The following FHIT variants were observed in gnomAD, a reference collection of about 807,000 sequenced individuals.
The protein encoded by FHIT is bis(5'-adenosyl)-triphosphatase.
FHIT carries 19 observed loss-of-function variants against 17.9 expected under a neutral mutation model. The ratio of observed to expected loss-of-function variants is 1.06; its 90% CI spans 0.74 to 1.56. FHIT has a LOEUF of 1.56. FHIT is among the 40% of genes most tolerant of loss of function. The probability of loss-of-function intolerance (pLI) is 0.00; values close to 1 mark genes in which losing one functional copy is unlikely to be tolerated. For synonymous variants in FHIT, 81 were observed against 69.7 expected (o/e 1.16, Z -0.81); for missense variants, 248 against 189.2 (o/e 1.31, Z -1.82).
At chr3:60,478,796 G>A (rs1029748242) in intron 5 of FHIT, among the ~76,000 whole-genome samples, 2 of 152,148 alleles carry the variant, frequency 1.3e-5, no homozygotes, top group African/African-American at 4.8e-5. Flanking sequence ...AAAGTATGTT[G>A]AAGGCACAGA....
At chr3:60,561,593 A>G (rs181724608) in intron 4 of FHIT, among the ~76,000 whole-genome samples, 1 of 152,142 alleles carries the variant, frequency 6.6e-6, no homozygotes, top group East Asian at 1.9e-4. Flanking sequence ...AAATGAAGAA[A>G]AAGTTCAGGC....
chr3:59,892,985 C>T (rs946384042), intron 8 of FHIT, among the ~76,000 whole-genome samples: 2 of 152,116 alleles, frequency 1.3e-5, no homozygotes, highest in African/African-American at 2.4e-5. Context: ...ATTTAAAAAG[C>T]TGAATTACTC....
At chr3:60,374,800 G>T (rs1700479058) in intron 5 of FHIT, among the ~76,000 whole-genome samples, 1 of 152,052 alleles carries the variant, frequency 6.6e-6, no homozygotes, top group Admixed American at 6.6e-5. Flanking sequence ...GATAATAGTT[G>T]TGTGGCTGTG....
At chr3:60,815,050 A>G (rs561757325) in intron 4 of FHIT, among the ~76,000 whole-genome samples, 1 of 151,802 alleles carries the variant, frequency 6.6e-6, no homozygotes, top group African/African-American at 2.4e-5. Context: ...TCTCCCTTTG[A>G]GAAGTTTCTG....
At chr3:60,880,480 C>A (rs1704910255) in intron 3 of FHIT, among the ~76,000 whole-genome samples, 1 of 152,216 alleles carries the variant, frequency 6.6e-6, no homozygotes, top group African/African-American at 2.4e-5. Context: ...CGCCTATAAT[C>A]CCAGAATTTT....
intron 5 of FHIT, among the ~76,000 whole-genome samples, chr3:60,101,305 TC>T (rs1238498581): frequency 2.0e-5 from 3 of 152,216 alleles, no homozygotes; most frequent in Non-Finnish European, 2.9e-5. Flanking sequence ...CATGTCCACC[TC>T]GGGCCACTCT....
At chr3:60,824,512 A>T (rs1264622221) in intron 3 of FHIT, among the ~76,000 whole-genome samples, 1 of 152,190 alleles carries the variant, frequency 6.6e-6, no homozygotes, top group African/African-American at 2.4e-5. Flanking sequence ...AAAAAGGTAA[A>T]CAAATAAATA....
chr3:61,244,424 C>G lies in FHIT; in HGVS notation c.-213+6877G>C, dbSNP rs146452913. On this transcript the variant is annotated intron_variant, in intron 1 of 9. Transcript: ENST00000492590. ...TTTAAGGATCCCAGATTTTGTCCAT[C>G]AAATTTAGAAAGACTCAATTGCATG... Among the ~76,000 whole-genome samples, 173 of 152,308 alleles carry G rather than the reference C, an allele frequency of 1.1e-3. 1 individual carries two copies. Among genetic ancestry groups the G allele is most frequent in the African/African-American group, 4.0e-3 (166 of 41,568 alleles).
intron 7 of FHIT, among the ~76,000 whole-genome samples, chr3:59,945,368 G>A (rs1423629720): frequency 6.6e-6 from 1 of 151,936 alleles, no homozygotes; most frequent in Non-Finnish European, 1.5e-5. Flanking sequence ...TTTAAATAGG[G>A]TTGTTTTTGC....
At chr3:60,057,416 T>C (rs1363492226) in intron 5 of FHIT, among the ~76,000 whole-genome samples, 5 of 152,144 alleles carry the variant, frequency 3.3e-5, no homozygotes, top group Non-Finnish European at 7.4e-5. Context: ...TAAAATGCTA[T>C]CCTCTGGATA....
At chr3:60,233,663 G>C (rs569723508) in intron 5 of FHIT, among the ~76,000 whole-genome samples, 4 of 152,038 alleles carry the variant, frequency 2.6e-5, no homozygotes, top group African/African-American at 9.7e-5. Flanking sequence ...GTTTGGCTGT[G>C]TCCCCACTCA....
intron 5 of FHIT, among the ~76,000 whole-genome samples, chr3:60,067,140 G>A (rs914208887): frequency 6.6e-6 from 1 of 152,118 alleles, no homozygotes; most frequent in Non-Finnish European, 1.5e-5. Flanking sequence ...ACCTATTCAT[G>A]AACATGAGTC....
intron 5 of FHIT, among the ~76,000 whole-genome samples, chr3:60,434,961 C>CTGTTACAAA (rs2030076785): frequency 6.6e-6 from 1 of 152,136 alleles, no homozygotes; most frequent in Admixed American, 6.6e-5. Flanking sequence ...TTTTTCTCCA[C>CTGTTACAAA]TGTGGCATGT....
intron 4 of FHIT, among the ~76,000 whole-genome samples, chr3:60,598,578 A>G (rs1203574323): frequency 1.3e-5 from 2 of 152,218 alleles, no homozygotes; most frequent in Admixed American, 1.3e-4. Flanking sequence ...TAGAAGTAAA[A>G]GCAAGTTTAT....
At chr3:60,254,334 T>C (rs936036185) in intron 5 of FHIT, among the ~76,000 whole-genome samples, 6 of 152,118 alleles carry the variant, frequency 3.9e-5, no homozygotes, top group African/African-American at 1.4e-4. Context: ...AATAACTCCA[T>C]ATTTTATCTA....
intron 4 of FHIT, among the ~76,000 whole-genome samples, chr3:60,687,136 T>C (rs914706425): frequency 3.9e-5 from 6 of 152,232 alleles, no homozygotes; most frequent in Non-Finnish European, 8.8e-5. Flanking sequence ...GTAAATATCT[T>C]GTATTATGCT....
At chr3:60,303,270 G>C (rs1319065273) in intron 5 of FHIT, among the ~76,000 whole-genome samples, 1 of 152,108 alleles carries the variant, frequency 6.6e-6, no homozygotes, top group African/African-American at 2.4e-5. Flanking sequence ...TATTGTCATA[G>C]GCATTTTCAC....
chr3:61,223,679 G>A (rs919834878), intron 1 of FHIT, among the ~76,000 whole-genome samples: 11 of 152,206 alleles, frequency 7.2e-5, no homozygotes, highest in African/African-American at 2.7e-4. Flanking sequence ...GCCAGATGGT[G>A]TATCTCAGTA....
intron 8 of FHIT, among the ~76,000 whole-genome samples, chr3:59,906,835 A>AGTAG (rs1704605931): frequency 6.6e-6 from 1 of 152,230 alleles, no homozygotes; most frequent in Non-Finnish European, 1.5e-5. Flanking sequence ...GTTTTGAAAT[A>AGTAG]GTAGGGAGCT....
Sources: gnomAD v4.1 joint callset for allele counts (sites outside exome capture counted in the v4.1 genomes callset) on GRCh38, gnomAD v4.1.1 for gene constraint, MANE v1.5 for transcripts, NCBI Gene and HGNC (gene_info 2026-07-23, HGNC 2026-07-21) for gene names.